Variants in RSPH3 observed in about 807,000 individuals in gnomAD.
RSPH3 encodes radial spoke head protein 3 homolog.
Under a neutral mutation model 43.8 loss-of-function variants are expected in RSPH3, and 21 were observed. The observed-to-expected ratio is 0.48, with a 90% CI of 0.34 to 0.69. RSPH3 has a LOEUF of 0.69. Among genes scored for constraint, RSPH3 ranks in the 30% least tolerant of loss-of-function variants. RSPH3 has a pLI of 0.01. For synonymous variants in RSPH3, 173 were observed against 179.8 expected, an observed-to-expected ratio of 0.96 and a Z score of 0.30; for missense variants, 487 against 516.0, an observed-to-expected ratio of 0.94 and a Z score of 0.54.
rs916255546 is a variant in RSPH3 at position 158,999,996 on chromosome 6, A to G, written c.-446T>C. The G allele has an allele frequency of 1.2e-5, 18 of 1,559,080 alleles. No homozygotes were observed. The highest frequency in any genetic ancestry group is 1.6e-5 in the Non-Finnish European group (18 of 1,151,954). ...CGTCATCCTTGAGGCCTGCGGGGCAACGGTGGCTGTCCTTGGCCCGGCTTT... is the reference window on the plus strand; with the variant it reads ...CGTCATCCTTGAGGCCTGCGGGGCAGCGGTGGCTGTCCTTGGCCCGGCTTT... On this transcript the variant is annotated 5_prime_UTR_variant, in exon 1 of 8. Coordinates refer to ENST00000367069, the MANE Select transcript of RSPH3 (RefSeq NM_031924.8).
At chr6:158,998,091 A>G (rs1226469819) in intron 1 of RSPH3, among the ~76,000 whole-genome samples, 1 of 151,638 alleles carries the variant, frequency 6.6e-6, no homozygotes, top group African/African-American at 2.4e-5. Context: ...GTTCTGCTGA[A>G]TTCAACATTT....
At position 158,999,809 on chromosome 6, in the gene RSPH3, T is replaced by TG. The variant is rs751193355; in HGVS notation, c.-260dup. 1.3e-5 allele frequency: 21 copies of TG among 1,613,534 alleles called. No individual in the cohort carries two copies. The highest frequency in any genetic ancestry group is 1.6e-4 in the Middle Eastern group (1 of 6,062). ...TTGCCCAGCAACCCAGGGTTCTGTC[T>TG]GGGGGCGGGAACTCCGGGCAGTTCC... On this transcript the variant is annotated 5_prime_UTR_variant, in exon 1 of 8. An upstream open reading frame in the 5' UTR gains an earlier in-frame stop. Coordinates refer to ENST00000367069, the MANE Select transcript of RSPH3 (RefSeq NM_031924.8).
rs1410834826 is a variant in RSPH3 at position 158,993,885 on chromosome 6, C to A, written c.158G>T (p.Arg53Ile). ...ATAAGTGTTACCTCGAATTACCCTTCTGTCATACATTATGTTTCCATAATG... is the reference window on the plus strand; with the variant it reads ...ATAAGTGTTACCTCGAATTACCCTTATGTCATACATTATGTTTCCATAATG... The part of the protein sequence containing the change: ...PMHYGNIMYD[R>I]RVIRGNTYAL... Residue 53 changes from arginine to isoleucine, a missense_variant, in exon 2 of 8, where the codon AGA becomes ATA. By Grantham distance (97) the Arg-to-Ile change is moderately conservative (BLOSUM62 -3). Coordinates refer to ENST00000367069, the MANE Select transcript of RSPH3 (RefSeq NM_031924.8). 1 of 1,612,496 alleles carries A rather than the reference C, an allele frequency of 6.2e-7. No individual in the cohort carries two copies.
At chr6:158,972,389 A>G (rs1301404014), downstream of RSPH3, among the ~76,000 whole-genome samples, 2 of 152,226 alleles carry the variant, frequency 1.3e-5, no homozygotes, top group African/African-American at 4.8e-5. Context: ...TAAAATGAAC[A>G]TTTTAAGAGT....
chr6:158,978,201 T>C (rs1375405578), intron 7 of RSPH3, 59 bp downstream of exon 7: 9 of 848,076 alleles, frequency 1.1e-5, no homozygotes, highest in African/African-American at 8.5e-5. Context: ...CTTTCAGTTA[T>C]TCAATTTATT....
In RSPH3 at chr6:158,978,261, G is replaced by A. The variant is rs765070124; in HGVS notation, c.945C>T (p.Asp315=). Residue 315 remains aspartate (D), a splice_region_variant and synonymous_variant, in exon 7 of 8, where the codon GAC becomes GAT. Coordinates refer to ENST00000367069, the MANE Select transcript of RSPH3 (RefSeq NM_031924.8). ...GAATTTTTGGATAAAATAACTTACTGTCAAGCACTGTTCTTCCCACCATGC... is the reference window on the plus strand; with the variant it reads ...GAATTTTTGGATAAAATAACTTACTATCAAGCACTGTTCTTCCCACCATGC... ...EYSMVGRTVL[D]MLIREVVEKR... 1 of 1,518,396 alleles carries A rather than the reference G, an allele frequency of 6.6e-7. No individual in the cohort carries two copies. The highest frequency in any genetic ancestry group is 9.1e-7 in the Non-Finnish European group (1 of 1,096,608). 94.1% of individuals were successfully genotyped at this position (1,518,396 alleles called of 1,614,324 possible).
chr6:158,987,245 C>T (rs934661519), intron 2 of RSPH3, among the ~76,000 whole-genome samples: 2 of 152,110 alleles, frequency 1.3e-5, no homozygotes, highest in African/African-American at 4.8e-5. Context: ...TTTCTTTTTA[C>T]AGTCTTTGAT....
intron 1 of RSPH3, among the ~76,000 whole-genome samples, chr6:158,998,178 G>T (rs1236383479): frequency 6.8e-6 from 1 of 146,556 alleles, no homozygotes; most frequent in Non-Finnish European, 1.5e-5. Flanking sequence ...TTTGCTGGGT[G>T]TGGTGGCTCA....
chr6:158,981,255 A>C (rs1046276936), intron 5 of RSPH3, among the ~76,000 whole-genome samples: 9 of 152,238 alleles, frequency 5.9e-5, no homozygotes, highest in African/African-American at 2.2e-4. Flanking sequence ...AATTAATATT[A>C]TCATGAAATA....
At chr6:158,991,555 T>A (rs909516552) in intron 2 of RSPH3, among the ~76,000 whole-genome samples, 1 of 152,104 alleles carries the variant, frequency 6.6e-6, no homozygotes, top group Non-Finnish European at 1.5e-5. Flanking sequence ...TAGCACTGCC[T>A]CATACCACCT....
At chr6:158,983,998 G>A (rs757418452) in intron 3 of RSPH3, among the ~76,000 whole-genome samples, 191 bp from the exon 4 acceptor site, 1 of 152,050 alleles carries the variant, frequency 6.6e-6, no homozygotes, top group Non-Finnish European at 1.5e-5. Context: ...GCTGGGCGTG[G>A]TGGTGCGTGC....
chr6:158,995,565 A>C (rs2128610909), intron 1 of RSPH3, among the ~76,000 whole-genome samples: 1 of 152,096 alleles, frequency 6.6e-6, no homozygotes, highest in East Asian at 1.9e-4. Flanking sequence ...TCTATGACTC[A>C]GACTCCTGTG....
rs1386692627 is a variant in RSPH3, at chr6:158,999,715, C to T, written c.-165G>A. 6.2e-7 allele frequency: 1 copy of T among 1,613,640 alleles called. No individual in the cohort carries two copies. Among genetic ancestry groups the T allele is most frequent in the African/African-American group, 1.3e-5 (1 of 75,022 alleles). On this transcript the variant is annotated 5_prime_UTR_variant, in exon 1 of 8. Transcript: ENST00000367069. ...GGCGGGCGGGACGGGAGGTTACCAG[C>T]GCAGGAGGTGGGAGCTATACTGGGC...
At chr6:158,985,673 C>G (rs1415881904) in intron 3 of RSPH3, among the ~76,000 whole-genome samples, 1 of 151,962 alleles carries the variant, frequency 6.6e-6, no homozygotes, top group African/African-American at 2.4e-5. Context: ...GCCTTGCCTC[C>G]CAAAGTGTTG....
chr6:158,982,381 C>A, intron 5 of RSPH3, 104 bp downstream of exon 5: 1 of 696,542 alleles, frequency 1.4e-6, no homozygotes, highest in Non-Finnish European at 2.3e-6. Flanking sequence ...CTAATATATT[C>A]CCAAAGATCT....
At chr6:158,988,026 G>A (rs4709256) in intron 2 of RSPH3, among the ~76,000 whole-genome samples, 17,250 of 152,224 alleles carry the variant, frequency 0.11, 1,710 homozygotes, top group East Asian at 0.42. Flanking sequence ...TCAGGCTGAA[G>A]AATTCCCTTC....
rs1778335933 is a variant in RSPH3 at position 158,989,447 on chromosome 6, T to C, written c.205-3026A>G. Among the ~76,000 whole-genome samples, 1 of 152,114 alleles carries C rather than the reference T, an allele frequency of 6.6e-6. No individual in the cohort carries two copies. Among genetic ancestry groups the C allele is most frequent in the South Asian group, 2.1e-4 (1 of 4,810 alleles). ...TAGTAAATGATCAGAGCACTGCCCATCCTGAATGGGGGAGGTCCCAAAGGG... is the reference window on the plus strand; with the variant it reads ...TAGTAAATGATCAGAGCACTGCCCACCCTGAATGGGGGAGGTCCCAAAGGG... On this transcript the variant is annotated intron_variant, in intron 2 of 7. Transcript: ENST00000367069. The surrounding 1 kb of genome is among the most constrained non-coding windows in gnomAD (Gnocchi z 4.3).
chr6:158,980,705 A>G (rs895081973), intron 6 of RSPH3, 69 bp downstream of exon 6: 4 of 1,242,258 alleles, frequency 3.2e-6, no homozygotes, highest in South Asian at 1.4e-5. Context: ...AAATGGACAT[A>G]AGATAAATTT....
At chr6:158,984,350 T>TTGAAA (rs1385712596) in intron 3 of RSPH3, among the ~76,000 whole-genome samples, 1 of 148,080 alleles carries the variant, frequency 6.8e-6, no homozygotes, top group Non-Finnish European at 1.5e-5. Flanking sequence ...GCACTGAGCT[T>TTGAAA]TGTATTTGAA....
Sources: gnomAD v4.1 joint callset for allele counts (sites outside exome capture counted in the v4.1 genomes callset) on GRCh38, gnomAD v4.1.1 for gene constraint, Gnocchi (gnomAD v3.1) non-coding constraint, MANE v1.5 for transcripts, NCBI Gene and HGNC (gene_info 2026-07-23, HGNC 2026-07-21) for gene names.